Variants in TCP11L2 observed in about 807,000 individuals in gnomAD.
TCP11L2 encodes the protein T-complex protein 11-like protein 2.
TCP11L2 carries 39 observed loss-of-function variants against 50.7 expected under a neutral mutation model. The observed-to-expected ratio is 0.77, with a 90% CI of 0.60 to 1.01. The LOEUF (loss-of-function observed/expected upper bound fraction) is 1.01. Among genes scored for constraint, TCP11L2 ranks in the 50% least tolerant of loss-of-function variants. The pLI, the probability that TCP11L2 is intolerant of heterozygous loss-of-function variation, is 0.00. For missense variants in TCP11L2, 612 were observed against 614.7 expected (o/e 1.00, Z 0.05); for synonymous variants, 192 against 219.3 (o/e 0.88, Z 1.10).
chr12:106,301,256 AG>A (rs2034406948), upstream of TCP11L2, among the ~76,000 whole-genome samples: 1 of 152,214 alleles, frequency 6.6e-6, no homozygotes, highest in South Asian at 2.1e-4. Context: ...AGGAGAAGAG[AG>A]GAAAGTGGCA....
At position 106,314,417 on chromosome 12, in the gene TCP11L2, T is replaced by C. The variant is rs200514410; in HGVS notation, c.217T>C (p.Ser73Pro). 11 of 1,613,660 alleles carry C rather than the reference T, an allele frequency of 6.8e-6. No individual in the cohort carries two copies. The highest frequency in any genetic ancestry group is 1.3e-5 in the African/African-American group (1 of 74,908). The change falls in exon 3 of 10, where the codon TCA becomes CCA. Residue 73 changes from serine (S) to proline (P), a missense_variant. Ser to Pro is a moderately conservative substitution (Grantham distance 74, BLOSUM62 -1). Coordinates refer to ENST00000299045, the MANE Select transcript of TCP11L2 (RefSeq NM_152772.3). ...AGTGATGGCTACAGCAAGGAACTTA[T>C]CAAACTTGACTCTTGCTCATGAGAT... ...DEVMATARNL[S>P]NLTLAHEIAV...
intron 3 of TCP11L2, among the ~76,000 whole-genome samples, chr12:106,315,831 C>T (rs2035059584): frequency 6.6e-6 from 1 of 152,156 alleles, no homozygotes; most frequent in Non-Finnish European, 1.5e-5. Flanking sequence ...ACAGATCAGT[C>T]GTCTTTAGAA....
chr12:106,330,065 A>G (rs2035693590), intron 6 of TCP11L2: 1 of 985,406 alleles, frequency 1.0e-6, no homozygotes, highest in African/African-American at 1.7e-5. Context: ...AATTCTACCA[A>G]ATGTATAATT....
chr12:106,310,905 G>C, intron 1 of TCP11L2, 136 bp from the exon 2 acceptor site: 1 of 722,974 alleles, frequency 1.4e-6, no homozygotes, highest in Admixed American at 2.9e-5. Flanking sequence ...AAGGTGCTGG[G>C]GGAAGGATGA....
intron 6 of TCP11L2, chr12:106,329,485 GTC>G: frequency 2.6e-6 from 4 of 1,512,354 alleles, no homozygotes; most frequent in Non-Finnish European, 1.8e-6. Flanking sequence ...TGCTTTACCG[GTC>G]ATTCTCAAGT....
chr12:106,314,433 C>T lies in TCP11L2; in HGVS notation c.233C>T (p.Ala78Val). The change falls in exon 3 of 10, where the codon GCT (alanine) becomes GTT (valine). Residue 78 changes from alanine to valine, a missense_variant. Ala to Val is a moderately conservative substitution (Grantham distance 64). Transcript: ENST00000299045. ...AGGAACTTATCAAACTTGACTCTTG[C>T]TCATGAGATTGCTGTAAATGAGAAC... ...TARNLSNLTL[A>V]HEIAVNENFQ... The T allele has an allele frequency of 6.2e-7, 1 of 1,613,748 alleles. No individual in the cohort carries two copies. The highest frequency in any genetic ancestry group is 8.5e-7 in the Non-Finnish European group (1 of 1,179,752).
upstream of TCP11L2, chr12:106,302,729 A>G (rs921427017): frequency 6.6e-6 from 1 of 152,226 alleles, no homozygotes; most frequent in African/African-American, 2.4e-5. Context: ...TCCCCCCGCT[A>G]TCCGGTTTTG....
chr12:106,329,569 CAA>C (rs1390208267), intron 6 of TCP11L2: 41 of 1,408,342 alleles, frequency 2.9e-5, no homozygotes, highest in Non-Finnish European at 3.6e-5. Context: ...CAGAATAAAT[CAA>C]AGTCTCCAGG....
chr12:106,329,596 A>T (rs2035676055), intron 6 of TCP11L2: 4 of 1,361,234 alleles, frequency 2.9e-6, no homozygotes, highest in Admixed American at 3.2e-5. Flanking sequence ...GTGCCCATGA[A>T]CTCTTTTTTT....
chr12:106,323,773 A>G, intron 6 of TCP11L2, 127 bp downstream of exon 6: 4 of 476,602 alleles, frequency 8.4e-6, no homozygotes, highest in Non-Finnish European at 3.1e-6. Context: ...AATTTAATTT[A>G]AATTAATTAA....
rs990112785 is a variant in TCP11L2, at chr12:106,329,786, A to G, written c.773-5853A>G. On this transcript the variant is annotated intron_variant, in intron 6 of 9. Transcript: ENST00000299045. The stretch of plus-strand genomic sequence containing the variant: ...TGTAATTATATTCACGATGATTTCC[A>G]CTCGCGCTCTCTCAGTTGGATGTCT... 44 of 991,622 alleles carry G rather than the reference A, an allele frequency of 4.4e-5. No homozygotes were observed. The East Asian group carries it at 3.1e-3, about 69-fold the overall frequency. 61.4% of individuals were successfully genotyped at this position (991,622 alleles called of 1,614,324 possible).
chr12:106,342,201 T>C (rs2036111531), intron 9 of TCP11L2, among the ~76,000 whole-genome samples: 1 of 152,184 alleles, frequency 6.6e-6, no homozygotes, highest in South Asian at 2.1e-4. Context: ...TACAAATACA[T>C]TTTATTATTG....
intron 6 of TCP11L2, among the ~76,000 whole-genome samples, chr12:106,327,199 T>A (rs1019799636): frequency 6.6e-6 from 1 of 151,954 alleles, no homozygotes; most frequent in African/African-American, 2.4e-5. Flanking sequence ...TTTTCCCCCC[T>A]GTTTGTCTTT....
intron 9 of TCP11L2, among the ~76,000 whole-genome samples, chr12:106,342,687 G>C (rs1237864718): frequency 1.3e-5 from 2 of 152,224 alleles, no homozygotes. Context: ...ATGCATAGGA[G>C]ACTTGGAGAG....
chr12:106,302,320 C>CTCCCGCTCAGCCCCCGCTCAG, upstream of TCP11L2, among the ~76,000 whole-genome samples: 1 of 40,074 alleles, frequency 2.5e-5, no homozygotes, highest in Non-Finnish European at 5.6e-5. Flanking sequence ...AGCCCCCGCT[C>CTCCCGCTCAGCCCCCGCTCAG]CCCCCGCTCA....
Position 106,321,672 on chromosome 12 carries a change from T to C in TCP11L2, c.601T>C (p.Leu201=), listed in dbSNP as rs750791537. ...APVRDNDIRE[L]KATGNIVEVL... is the part of the protein sequence containing the mutation. Reference sequence around the variant, plus strand: ...CGTGCGAGATAATGATATCAGAGAGTTAAAGGCTACTGGCAACATCGTGGA... The same window carrying C: ...CGTGCGAGATAATGATATCAGAGAGCTAAAGGCTACTGGCAACATCGTGGA... Residue 201 remains leucine, a synonymous_variant, in exon 5 of 10, where the codon TTA becomes CTA. Coordinates refer to ENST00000299045, the MANE Select transcript of TCP11L2 (RefSeq NM_152772.3). 1.2e-6 allele frequency: 2 copies of C among 1,614,070 alleles called. No homozygotes were observed. Among genetic ancestry groups the C allele is most frequent in the Non-Finnish European group, 1.7e-6 (2 of 1,180,026 alleles).
At position 106,307,899 on chromosome 12, in the gene TCP11L2, A is replaced by G. The variant is rs563181999; in HGVS notation, c.-35-3142A>G. 1.8e-4 allele frequency among the ~76,000 whole-genome samples: 28 copies of G among 152,336 alleles called. 1 individual carries two copies. The South Asian group carries it at 5.4e-3, about 29-fold the overall frequency. On this transcript the variant is annotated intron_variant, in intron 1 of 9. Coordinates refer to ENST00000299045, the MANE Select transcript of TCP11L2 (RefSeq NM_152772.3). Reference sequence around the variant, plus strand: ...TGACTGTTCCAAACACGCTGCATGTATTGGGTACCTGAAATCTCACACCAA... The same window carrying G: ...TGACTGTTCCAAACACGCTGCATGTGTTGGGTACCTGAAATCTCACACCAA...
At chr12:106,301,460 T>G (rs1370077673), upstream of TCP11L2, among the ~76,000 whole-genome samples, 9 of 152,206 alleles carry the variant, frequency 5.9e-5, no homozygotes, top group Non-Finnish European at 1.0e-4. Flanking sequence ...GAGACCAAGA[T>G]CTCATGGATA....
chr12:106,323,681 T>G, intron 6 of TCP11L2, 35 bp downstream of exon 6: 1 of 1,163,660 alleles, frequency 8.6e-7, no homozygotes, highest in Non-Finnish European at 1.2e-6. Flanking sequence ...ATATTGAAAT[T>G]AGGTTAAAAT....
Sources: gnomAD v4.1 joint callset for allele counts (sites outside exome capture counted in the v4.1 genomes callset) on GRCh38, gnomAD v4.1.1 for gene constraint, MANE v1.5 for transcripts, NCBI Gene and HGNC (gene_info 2026-07-23, HGNC 2026-07-21) for gene names.